The following DCUN1D5 variants were observed in gnomAD, a reference collection of about 807,000 sequenced individuals.
DCUN1D5 encodes defective in cullin neddylation 1 domain containing 5.
DCUN1D5 carries 10 observed loss-of-function variants against 38.3 expected under a neutral mutation model. The observed-to-expected ratio is 0.26, with a 90% CI of 0.16 to 0.44. The LOEUF (loss-of-function observed/expected upper bound fraction) is 0.44, where lower values mean the gene tolerates loss of function less well. Ranked by LOEUF, DCUN1D5 falls within the 20% of genes least tolerant of loss-of-function variation. The pLI is 1.00. For missense variants in DCUN1D5, 148 were observed against 275.3 expected (o/e 0.54, Z 3.27); for synonymous variants, 93 against 90.9 (o/e 1.02, Z -0.13).
At position 103,091,580 on chromosome 11, in the gene DCUN1D5, C is replaced by G; in HGVS notation, c.86+207G>C. 1.2e-6 allele frequency: 1 copy of G among 804,694 alleles called. No individual in the cohort carries two copies. Among genetic ancestry groups the G allele is most frequent in the Non-Finnish European group, 2.0e-6 (1 of 507,660 alleles). 49.8% of individuals were successfully genotyped at this position (804,694 alleles called of 1,614,324 possible). ...TTAACGTGGGCGGCTCTTCTAGTCT[C>G]TCCATAAACGCCAGCGTGCACACAC... On this transcript the variant is annotated intron_variant, in intron 1 of 7. Coordinates refer to ENST00000260247, the MANE Select transcript of DCUN1D5 (RefSeq NM_032299.4). This position sits in a 1 kb window ranked among gnomAD's most constrained non-coding sequence, Gnocchi z 4.3.
Position 103,086,725 on chromosome 11 carries a change from G to A in DCUN1D5, c.178+2502C>T, listed in dbSNP as rs918856548. ...CTATATATCCAGCACTCAGCACAGTGCCTGACTCAAAACAAGTGCTCAATA... is the reference window on the plus strand; with the variant it reads ...CTATATATCCAGCACTCAGCACAGTACCTGACTCAAAACAAGTGCTCAATA... On this transcript the variant is annotated intron_variant, in intron 2 of 7. Coordinates refer to ENST00000260247, the MANE Select transcript of DCUN1D5 (RefSeq NM_032299.4). This position sits in a 1 kb window ranked among gnomAD's most constrained non-coding sequence, Gnocchi z 4.1. Among the ~76,000 whole-genome samples, 2 of 152,108 alleles carry A rather than the reference G, an allele frequency of 1.3e-5. No individual in the cohort carries two copies. The highest frequency in any genetic ancestry group is 4.8e-5 in the African/African-American group (2 of 41,420).
chr11:103,053,301 C>T lies in DCUN1D5; in HGVS notation c.*9058G>A, dbSNP rs1329809628. ...AGCATCCATTTAATGAACCATTTCA[C>T]TATACTGCCTACAAAGAAAGCAAGT... On this transcript the variant is annotated 3_prime_UTR_variant, in exon 8 of 8. Coordinates refer to ENST00000260247, the MANE Select transcript of DCUN1D5 (RefSeq NM_032299.4). This position sits in a 1 kb window ranked among gnomAD's most constrained non-coding sequence, Gnocchi z 4.8. 6.6e-6 allele frequency: 1 copy of T among 150,908 alleles called. No individual in the cohort carries two copies. Among genetic ancestry groups the T allele is most frequent in the East Asian group, 1.9e-4 (1 of 5,136 alleles). 9.3% of individuals were successfully genotyped at this position (150,908 alleles called of 1,614,324 possible). A position where few individuals can be genotyped will look rare whatever the true frequency, so the allele number is the denominator to read the frequency against.
At chr11:103,067,120 C>T (rs1255574504) in intron 4 of DCUN1D5, among the ~76,000 whole-genome samples, 2 of 152,114 alleles carry the variant, frequency 1.3e-5, no homozygotes, top group African/African-American at 4.8e-5. Context: ...AGTAGAAGCA[C>T]CTAACTTCAA....
intron 2 of DCUN1D5, among the ~76,000 whole-genome samples, chr11:103,085,089 C>T (rs1203336556): frequency 6.6e-6 from 1 of 152,188 alleles, no homozygotes; most frequent in African/African-American, 2.4e-5. Context: ...AGAAAACATA[C>T]TTGCTCTCAA....
At position 103,061,597 on chromosome 11, in the gene DCUN1D5, CAA is replaced by C. The variant is rs141012503; in HGVS notation, c.*760_*761del. On this transcript the variant is annotated 3_prime_UTR_variant, in exon 8 of 8. Transcript: ENST00000260247. The stretch of plus-strand genomic sequence containing the variant: ...TATCACAGCTAACGTTCTCTTAAGG[CAA>C]AAAAAAAAAAAAAAAGTGCTTTAAA... Among the ~76,000 whole-genome samples the C allele has an allele frequency of 2.1e-3, 202 of 95,402 alleles. No homozygotes were observed. The highest frequency in any genetic ancestry group is 2.9e-3 in the Non-Finnish European group (126 of 43,300). 62.6% of individuals were successfully genotyped at this position (95,402 alleles called of 152,430 possible).
chr11:103,056,803 A>C lies in DCUN1D5; in HGVS notation c.*5556T>G, dbSNP rs534426263. 1.3e-5 allele frequency among the ~76,000 whole-genome samples: 2 copies of C among 152,306 alleles called. No homozygotes were observed. Among genetic ancestry groups the C allele is most frequent in the South Asian group, 4.1e-4 (2 of 4,824 alleles). On this transcript the variant is annotated 3_prime_UTR_variant, in exon 8 of 8. Coordinates refer to ENST00000260247, the MANE Select transcript of DCUN1D5 (RefSeq NM_032299.4). This position sits in a 1 kb window ranked among gnomAD's most constrained non-coding sequence, Gnocchi z 4.9. Reference sequence around the variant, plus strand: ...AAATCCTAGCTATTTCTTTTTATAAAAGACAGTAAATTTGTCAGAAAAAAA... The same window carrying C: ...AAATCCTAGCTATTTCTTTTTATAACAGACAGTAAATTTGTCAGAAAAAAA...
Position 103,073,411 on chromosome 11 carries a change from A to T in DCUN1D5, c.342-6844T>A, listed in dbSNP as rs901702715. ...GCTATTTAACCAAAATCTCAGCAAG[A>T]TATTTTTGTAAAGAAAAGACTATTC... On this transcript the variant is annotated intron_variant, in intron 4 of 7. Coordinates refer to ENST00000260247, the MANE Select transcript of DCUN1D5 (RefSeq NM_032299.4). The surrounding 1 kb of genome is among the most constrained non-coding windows in gnomAD (Gnocchi z 4.2). Among the ~76,000 whole-genome samples, 2 of 152,230 alleles carry T rather than the reference A, an allele frequency of 1.3e-5. No homozygotes were observed. The highest frequency in any genetic ancestry group is 2.9e-5 in the Non-Finnish European group (2 of 68,040).
In DCUN1D5 at chr11:103,091,881, C is replaced by T; in HGVS notation, c.-9G>A. 6.2e-7 allele frequency: 1 copy of T among 1,611,888 alleles called. No homozygotes were observed. Among genetic ancestry groups the T allele is most frequent in the Non-Finnish European group, 8.5e-7 (1 of 1,178,858 alleles). ...TTCTTCTTCACCGGCATCTTCCGCC[C>T]TCCCCGGCAGGGTGGGCAGGGGAGC... On this transcript the variant is annotated 5_prime_UTR_variant, in exon 1 of 8. Coordinates refer to ENST00000260247, the MANE Select transcript of DCUN1D5 (RefSeq NM_032299.4). This position sits in a 1 kb window ranked among gnomAD's most constrained non-coding sequence, Gnocchi z 4.3.
chr11:103,071,191 A>T lies in DCUN1D5; in HGVS notation c.342-4624T>A, dbSNP rs1456014556. ...AAAATAAACAAACCAAACAGGACAA[A>T]GTAAATAAGAGCAGAAACTGCTGAA... On this transcript the variant is annotated intron_variant, in intron 4 of 7. Coordinates refer to ENST00000260247, the MANE Select transcript of DCUN1D5 (RefSeq NM_032299.4). This position sits in a 1 kb window ranked among gnomAD's most constrained non-coding sequence, Gnocchi z 4.1. 6.6e-6 allele frequency among the ~76,000 whole-genome samples: 1 copy of T among 152,120 alleles called. No individual in the cohort carries two copies. Among genetic ancestry groups the T allele is most frequent in the African/African-American group, 2.4e-5 (1 of 41,456 alleles).
Position 103,092,122 on chromosome 11 carries a change from A to C in DCUN1D5, c.-250T>G. On this transcript the variant is annotated 5_prime_UTR_variant, in exon 1 of 8. Coordinates refer to ENST00000260247, the MANE Select transcript of DCUN1D5 (RefSeq NM_032299.4). ...CGGTTCGTTCTCACCGGGAGGAGAT[A>C]ACGCGGACAGCGCGGCAGCTCCACC... 2.2e-6 allele frequency: 1 copy of C among 461,714 alleles called. No homozygotes were observed. Among genetic ancestry groups the C allele is most frequent in the Non-Finnish European group, 3.9e-6 (1 of 259,642 alleles). 28.6% of individuals were successfully genotyped at this position (461,714 alleles called of 1,614,324 possible).
In DCUN1D5 at chr11:103,078,450, G is replaced by C. The variant is rs1287918351; in HGVS notation, c.341+4298C>G. On this transcript the variant is annotated intron_variant, in intron 4 of 7. Coordinates refer to ENST00000260247, the MANE Select transcript of DCUN1D5 (RefSeq NM_032299.4). This position sits in a 1 kb window ranked among gnomAD's most constrained non-coding sequence, Gnocchi z 4.6. ...TAGCAGTACATGTGCCTCTTAATGG[G>C]AACGAGGTCCATAGTTCTCATAAGA... 6.6e-6 allele frequency among the ~76,000 whole-genome samples: 1 copy of C among 152,154 alleles called. No individual in the cohort carries two copies. Among genetic ancestry groups the C allele is most frequent in the Non-Finnish European group, 1.5e-5 (1 of 68,036 alleles).
At position 103,091,770 on chromosome 11, in the gene DCUN1D5, G is replaced by A. The variant is rs1862876559; in HGVS notation, c.86+17C>T. ...AGGAGGGAGGAGGGAAGCTTGAAGG[G>A]TGGGGGGAGATGGTACCTGGAGATT... On this transcript the variant is annotated intron_variant, in intron 1 of 7. Transcript: ENST00000260247. This position sits in a 1 kb window ranked among gnomAD's most constrained non-coding sequence, Gnocchi z 4.3. The A allele has an allele frequency of 5.6e-6, 9 of 1,614,068 alleles. No individual in the cohort carries two copies. Among genetic ancestry groups the A allele is most frequent in the East Asian group, 2.2e-5 (1 of 44,866 alleles).
chr11:103,069,641 T>G (rs1862222269), intron 4 of DCUN1D5, among the ~76,000 whole-genome samples: 2 of 152,102 alleles, frequency 1.3e-5, no homozygotes, highest in South Asian at 2.1e-4. Flanking sequence ...CATCACCCAG[T>G]GGTAACAAGG....
Position 103,064,208 on chromosome 11 carries a change from A to C in DCUN1D5, c.658+67T>G. On this transcript the variant is annotated intron_variant, in intron 7 of 7. Transcript: ENST00000260247. This position sits in a 1 kb window ranked among gnomAD's most constrained non-coding sequence, Gnocchi z 4.5. ...AAAACCTCTATGCTAATACTACACA[A>C]ATGCATACTCTCATTTAATATTTTT... 4.6e-5 allele frequency: 53 copies of C among 1,151,268 alleles called. No individual in the cohort carries two copies. The highest frequency in any genetic ancestry group is 6.4e-5 in the Non-Finnish European group (50 of 779,728). 71.3% of individuals were successfully genotyped at this position (1,151,268 alleles called of 1,614,324 possible).
At position 103,055,908 on chromosome 11, in the gene DCUN1D5, T is replaced by C. The variant is rs1001768596; in HGVS notation, c.*6451A>G. 1 of 152,176 alleles carries C rather than the reference T, an allele frequency of 6.6e-6. No homozygotes were observed. Among genetic ancestry groups the C allele is most frequent in the Non-Finnish European group, 1.5e-5 (1 of 68,034 alleles). The allele number at this position is 152,176 out of a possible 1,614,324, so 9.4% of individuals were successfully genotyped here. ...CCATAACATATCCAAAAGTAAACTC[T>C]CAATCTACCCGCTTAAGCCTGCTCC... On this transcript the variant is annotated 3_prime_UTR_variant, in exon 8 of 8. Coordinates refer to ENST00000260247, the MANE Select transcript of DCUN1D5 (RefSeq NM_032299.4).
At position 103,062,189 on chromosome 11, in the gene DCUN1D5, G is replaced by A; in HGVS notation, c.*170C>T. Reference sequence around the variant, plus strand: ...AGTCTAAGAAGAGGTGTGGCTCAATGCCCATCACATGTAACAAGAAAAACC... The same window carrying A: ...AGTCTAAGAAGAGGTGTGGCTCAATACCCATCACATGTAACAAGAAAAACC... On this transcript the variant is annotated 3_prime_UTR_variant, in exon 8 of 8. Transcript: ENST00000260247. The surrounding 1 kb of genome is among the most constrained non-coding windows in gnomAD (Gnocchi z 4.6). 1.6e-6 allele frequency: 1 copy of A among 611,500 alleles called. No homozygotes were observed. The highest frequency in any genetic ancestry group is 2.9e-6 in the Non-Finnish European group (1 of 347,628). 37.9% of individuals were successfully genotyped at this position (611,500 alleles called of 1,614,324 possible).
rs1862325488 is a variant in DCUN1D5 at position 103,073,261 on chromosome 11, A to C, written c.342-6694T>G. ...CCTAAAAAAATGAAGAGACATTACT[A>C]TCTTCCAGTATTCAAAGCAAGACTG... On this transcript the variant is annotated intron_variant, in intron 4 of 7. Coordinates refer to ENST00000260247, the MANE Select transcript of DCUN1D5 (RefSeq NM_032299.4). This position sits in a 1 kb window ranked among gnomAD's most constrained non-coding sequence, Gnocchi z 4.2. Among the ~76,000 whole-genome samples the C allele has an allele frequency of 6.6e-6, 1 of 152,232 alleles. No homozygotes were observed. The highest frequency in any genetic ancestry group is 1.5e-5 in the Non-Finnish European group (1 of 68,034).
chr11:103,062,525 TG>T lies in DCUN1D5; in HGVS notation c.659-112del, dbSNP rs1862039248. The T allele has an allele frequency of 1.7e-5, 15 of 887,646 alleles. No individual in the cohort carries two copies. Among genetic ancestry groups the T allele is most frequent in the Non-Finnish European group, 2.3e-5 (13 of 564,918 alleles). The allele number at this position is 887,646 out of a possible 1,614,324, so 55.0% of individuals were successfully genotyped here. On this transcript the variant is annotated intron_variant, in intron 7 of 7. Coordinates refer to ENST00000260247, the MANE Select transcript of DCUN1D5 (RefSeq NM_032299.4). The surrounding 1 kb of genome is among the most constrained non-coding windows in gnomAD (Gnocchi z 4.6). The stretch of plus-strand genomic sequence containing the variant: ...ACAGAGGAATGACCCTTCCTTTCTT[TG>T]GGTGTTCTGCTTCTAGACACCTTAT...
chr11:103,058,523 C>T lies in DCUN1D5; in HGVS notation c.*3836G>A, dbSNP rs1449635680. On this transcript the variant is annotated 3_prime_UTR_variant, in exon 8 of 8. Coordinates refer to ENST00000260247, the MANE Select transcript of DCUN1D5 (RefSeq NM_032299.4). ...GGGCAGAAATTCATCTTTCCACAGT[C>T]TGTAAGTTTATCATAAAAATTAGAC... Among the ~76,000 whole-genome samples the T allele has an allele frequency of 2.0e-5, 3 of 152,100 alleles. No individual in the cohort carries two copies. Among genetic ancestry groups the T allele is most frequent in the Non-Finnish European group, 4.4e-5 (3 of 68,010 alleles).
Sources: allele counts gnomAD v4.1 joint callset (sites outside exome capture counted in the v4.1 genomes callset), GRCh38; gene constraint gnomAD v4.1.1; non-coding constraint Gnocchi (gnomAD v3.1); transcripts MANE v1.5; gene names NCBI Gene and HGNC (gene_info 2026-07-23, HGNC 2026-07-21).